Variants in DNAJC10 observed in about 807,000 individuals in gnomAD.
DNAJC10 encodes DnaJ heat shock protein family (Hsp40) member C10.
A neutral mutation model predicts 115.0 loss-of-function variants in DNAJC10; 101 were observed. The ratio of observed to expected loss-of-function variants is 0.88; its 90% CI spans 0.75 to 1.04. The LOEUF (loss-of-function observed/expected upper bound fraction) is 1.04. DNAJC10 is among the 50% of genes least tolerant of loss of function. The pLI is 0.00. For synonymous variants in DNAJC10, 307 were observed against 301.5 expected (o/e 1.02, Z -0.19); for missense variants, 981 against 928.8 (o/e 1.06, Z -0.73).
At chr2:182,720,219 A>G (rs1469593367) in intron 4 of DNAJC10, 50 bp downstream of exon 4, 1 of 1,456,006 alleles carries the variant, frequency 6.9e-7, no homozygotes, top group Non-Finnish European at 9.4e-7. Flanking sequence ...TGAGTAAAAG[A>G]AAAGTGAATT....
chr2:182,788,011 C>T lies in DNAJC10; in HGVS notation c.*10879C>T, dbSNP rs991932875. The T allele has an allele frequency of 6.6e-6, 1 of 152,176 alleles. No homozygotes were observed. The highest frequency in any genetic ancestry group is 2.4e-5 in the African/African-American group (1 of 41,436). The allele number at this position is 152,176 out of a possible 1,614,324, so 9.4% of individuals were successfully genotyped here. ...AGAAAAATTAAGGCATATTATTTTA[C>T]TGTACTCTCAGAAAGATGTTTAACA... On this transcript the variant is annotated 3_prime_UTR_variant, in exon 24 of 24. Coordinates refer to ENST00000264065, the MANE Select transcript of DNAJC10 (RefSeq NM_018981.4).
intron 14 of DNAJC10, among the ~76,000 whole-genome samples, chr2:182,746,225 G>T (rs374141116): frequency 1.5e-3 from 229 of 152,304 alleles, no homozygotes; most frequent in Middle Eastern, 3.4e-3. Flanking sequence ...GTAGCAGCAT[G>T]ATTTATAATC....
In DNAJC10 at chr2:182,779,444, T is replaced by TTAAAG. The variant is rs1694791920; in HGVS notation, c.*2315_*2319dup. The stretch of plus-strand genomic sequence containing the variant: ...AGCCAGGCTTGGAAATTAGGTCCAT[T>TTAAAG]TAAAGTATGTGGCTTACAGTCAGGT... On this transcript the variant is annotated 3_prime_UTR_variant, in exon 24 of 24. Coordinates refer to ENST00000264065, the MANE Select transcript of DNAJC10 (RefSeq NM_018981.4). 1 of 152,112 alleles carries TTAAAG rather than the reference T, an allele frequency of 6.6e-6. No individual in the cohort carries two copies. Among genetic ancestry groups the TTAAAG allele is most frequent in the Non-Finnish European group, 1.5e-5 (1 of 68,036 alleles). 9.4% of individuals were successfully genotyped at this position (152,112 alleles called of 1,614,324 possible). A position where few individuals can be genotyped will look rare whatever the true frequency, so the allele number is the denominator to read the frequency against.
intron 16 of DNAJC10, 85 bp downstream of exon 16, chr2:182,752,273 C>A: frequency 3.2e-6 from 2 of 616,752 alleles, no homozygotes; most frequent in Non-Finnish European, 5.2e-6. Context: ...ATTAAAATAA[C>A]TTAGAAATAA....
intron 21 of DNAJC10, among the ~76,000 whole-genome samples, chr2:182,761,856 G>A (rs961728273): frequency 1.3e-5 from 2 of 152,054 alleles, no homozygotes; most frequent in Non-Finnish European, 2.9e-5. Flanking sequence ...ATGGAACTCT[G>A]ATTGGATATT....
chr2:182,732,731 C>T (rs188424627), intron 10 of DNAJC10, 189 bp downstream of exon 10: 53 of 571,672 alleles, frequency 9.3e-5, no homozygotes, highest in Admixed American at 2.9e-4. Flanking sequence ...TAAATTTTAA[C>T]GTGGTATCAA....
At chr2:182,748,817 A>G (rs1026911648) in intron 14 of DNAJC10, among the ~76,000 whole-genome samples, 1 of 150,916 alleles carries the variant, frequency 6.6e-6, no homozygotes, top group Non-Finnish European at 1.5e-5. Context: ...CCCTCTACGC[A>G]CTGCTTTGAA....
At position 182,758,946 on chromosome 2, in the gene DNAJC10, C is replaced by T. The variant is rs1175254168; in HGVS notation, c.1997+56C>T. 28 of 1,306,018 alleles carry T rather than the reference C, an allele frequency of 2.1e-5. No homozygotes were observed. The African/African-American group carries it at 3.8e-4, about 18-fold the overall frequency. 80.9% of individuals were successfully genotyped at this position (1,306,018 alleles called of 1,614,324 possible). A position where few individuals can be genotyped will look rare whatever the true frequency, so the allele number is the denominator to read the frequency against. On this transcript the variant is annotated intron_variant, in intron 20 of 23. Transcript: ENST00000264065. Reference sequence around the variant, plus strand: ...AAATAGATTCAAAGCCATTTACCCCCCTTTTATATCAATAGTTAAATTTAC... The same window carrying T: ...AAATAGATTCAAAGCCATTTACCCCTCTTTTATATCAATAGTTAAATTTAC...
rs1695091741 is a variant in DNAJC10, at chr2:182,793,693, T to A, written c.*16561T>A. The A allele has an allele frequency of 6.6e-6, 1 of 152,034 alleles. No individual in the cohort carries two copies. Among genetic ancestry groups the A allele is most frequent in the Non-Finnish European group, 1.5e-5 (1 of 68,008 alleles). The allele number at this position is 152,034 out of a possible 1,614,324, so 9.4% of individuals were successfully genotyped here. ...TATATAATCCTAAATTAGGTTTCAG[T>A]TTATTTAAGTACTAAATTAGGTTGC... On this transcript the variant is annotated 3_prime_UTR_variant, in exon 24 of 24. Coordinates refer to ENST00000264065, the MANE Select transcript of DNAJC10 (RefSeq NM_018981.4).
At chr2:182,773,973 T>C (rs1297198092) in intron 22 of DNAJC10, among the ~76,000 whole-genome samples, 1 of 140,240 alleles carries the variant, frequency 7.1e-6, no homozygotes, top group Non-Finnish European at 1.5e-5. Context: ...TGGTTTTATC[T>C]ATCTTTGGTC....
chr2:182,747,538 G>A (rs1001645902), intron 14 of DNAJC10, among the ~76,000 whole-genome samples: 90 of 151,492 alleles, frequency 5.9e-4, no homozygotes, highest in African/African-American at 1.9e-3. Context: ...TTTGTCTGTT[G>A]TTGGTGTATA....
rs577564667 is a variant in DNAJC10, at chr2:182,729,042, A to G, written c.633+48A>G. 2.5e-6 allele frequency: 4 copies of G among 1,570,028 alleles called. No homozygotes were observed. In the East Asian group the frequency reaches 9.0e-5, roughly 35 times the overall value. On this transcript the variant is annotated intron_variant, in intron 7 of 23. Coordinates refer to ENST00000264065, the MANE Select transcript of DNAJC10 (RefSeq NM_018981.4). The stretch of plus-strand genomic sequence containing the variant: ...TTTAAATTTGTGAAACATTATGACA[A>G]GTTAAATAGTAGAGAAAATAACAGT...
At chr2:182,726,887 A>G (rs370235521) in intron 5 of DNAJC10, among the ~76,000 whole-genome samples, 147 of 144,558 alleles carry the variant, frequency 1.0e-3, no homozygotes, top group Non-Finnish European at 1.2e-3. Context: ...ATGTGCCACC[A>G]TGTCCAGCTA....
At position 182,787,231 on chromosome 2, in the gene DNAJC10, CTA is replaced by C. The variant is rs1265896310; in HGVS notation, c.*10102_*10103del. The C allele has an allele frequency of 1.3e-5, 2 of 152,190 alleles. No individual in the cohort carries two copies. Among genetic ancestry groups the C allele is most frequent in the Non-Finnish European group, 2.9e-5 (2 of 68,058 alleles). The allele number at this position is 152,190 out of a possible 1,614,324, so 9.4% of individuals were successfully genotyped here. ...ATAGGCGTTAAACTTCTTTTGGAAA[CTA>C]TACTGGCTTGACAGTCTCCCCATAC... On this transcript the variant is annotated 3_prime_UTR_variant, in exon 24 of 24. Coordinates refer to ENST00000264065, the MANE Select transcript of DNAJC10 (RefSeq NM_018981.4).
chr2:182,748,496 A>G (rs1693929697), intron 14 of DNAJC10, among the ~76,000 whole-genome samples: 3 of 152,158 alleles, frequency 2.0e-5, no homozygotes, highest in African/African-American at 7.2e-5. Flanking sequence ...CATTTCTTCT[A>G]GATTTTCTAG....
intron 6 of DNAJC10, 93 bp from the exon 7 acceptor site, chr2:182,728,770 T>C (rs2105620483): frequency 6.6e-7 from 1 of 1,519,138 alleles, no homozygotes; most frequent in Non-Finnish European, 9.0e-7. Context: ...TCAAATACTT[T>C]AAATGTCTGG....
Position 182,741,246 on chromosome 2 carries a change from C to T in DNAJC10, c.1081C>T (p.Arg361Cys), listed in dbSNP as rs760624957. Residue 361 changes from arginine (R) to cysteine (C), a missense_variant, in exon 13 of 24, where the codon CGT becomes TGT. Arg to Cys is a radical substitution (Grantham distance 180, BLOSUM62 -3). Transcript: ENST00000264065. ...TGTTTTCTTTATCACTTTTAAGGAT[C>T]GTTTGGCTCATCATCGGTGGCTGTT... ...ELLSANTLED[R>C]LAHHRWLLFF... is the part of the protein sequence containing the mutation. 9 of 1,589,020 alleles carry T rather than the reference C, an allele frequency of 5.7e-6. No individual in the cohort carries two copies. Among genetic ancestry groups the T allele is most frequent in the African/African-American group, 1.4e-5 (1 of 73,454 alleles).
In DNAJC10 at chr2:182,760,885, ATCT is replaced by A. The variant is rs1207026373; in HGVS notation, c.2145+1583_2145+1585del. Among the ~76,000 whole-genome samples, 4 of 152,224 alleles carry A rather than the reference ATCT, an allele frequency of 2.6e-5. No homozygotes were observed. In the East Asian group the frequency reaches 7.7e-4, roughly 29 times the overall value. On this transcript the variant is annotated intron_variant, in intron 21 of 23. Coordinates refer to ENST00000264065, the MANE Select transcript of DNAJC10 (RefSeq NM_018981.4). ...TAAGAGGTTTATTCTTTCCATTCTA[ATCT>A]TCTTATGCTTCCTTCTGTAATAATT...
Position 182,788,782 on chromosome 2 carries a change from T to C in DNAJC10, c.*11650T>C, listed in dbSNP as rs1413211463. 1.8e-5 allele frequency: 8 copies of C among 452,866 alleles called. No individual in the cohort carries two copies. Among genetic ancestry groups the C allele is most frequent in the South Asian group, 9.5e-5 (6 of 62,976 alleles). 28.1% of individuals were successfully genotyped at this position (452,866 alleles called of 1,614,324 possible). On this transcript the variant is annotated 3_prime_UTR_variant, in exon 24 of 24. Transcript: ENST00000264065. ...TAGACTATTCAGAAGTTTTCTAAAATGGACTTCAAGCTCTATGACTTTATG... is the reference window on the plus strand; with the variant it reads ...TAGACTATTCAGAAGTTTTCTAAAACGGACTTCAAGCTCTATGACTTTATG...
Sources: allele counts gnomAD v4.1 joint callset (sites outside exome capture counted in the v4.1 genomes callset), GRCh38; gene constraint gnomAD v4.1.1; transcripts MANE v1.5; gene names NCBI Gene and HGNC (gene_info 2026-07-23, HGNC 2026-07-21).